Variants in PUM2 observed in about 807,000 individuals in gnomAD.
PUM2 encodes the protein pumilio RNA binding family member 2.
Under a neutral mutation model 124.5 loss-of-function variants are expected in PUM2, and 57 were observed. The observed-to-expected ratio is 0.46, with a 90% CI of 0.37 to 0.57. The LOEUF is 0.57. PUM2 is among the 20% of genes least tolerant of loss of function. PUM2 has a pLI of 0.00. For synonymous variants in PUM2, 460 were observed against 446.1 expected (o/e 1.03, Z -0.39); for missense variants, 1,065 against 1,290.6 (o/e 0.83, Z 2.68).
At chr2:20,256,626 T>C (rs1022445920) in intron 16 of PUM2, among the ~76,000 whole-genome samples, 1 of 152,206 alleles carries the variant, frequency 6.6e-6, no homozygotes, top group African/African-American at 2.4e-5. Context: ...GTTTATCAAG[T>C]ACATAGAAAA....
chr2:20,341,757 A>C (rs865950708), intron 1 of PUM2, among the ~76,000 whole-genome samples: 1 of 152,228 alleles, frequency 6.6e-6, no homozygotes, highest in Admixed American at 6.5e-5. Flanking sequence ...CTTGTCTCAC[A>C]TGGCTATCTT....
chr2:20,324,709 G>T (rs552835202), intron 2 of PUM2, among the ~76,000 whole-genome samples: 91 of 152,254 alleles, frequency 6.0e-4, no homozygotes, highest in African/African-American at 2.0e-3. Flanking sequence ...AACAGAGAGG[G>T]TAAGTTTATG....
chr2:20,331,604 G>A (rs1290060705), intron 1 of PUM2: 3 of 121,256 alleles, frequency 2.5e-5, no homozygotes, highest in Non-Finnish European at 5.2e-5. Context: ...GTTAAAACCA[G>A]TATCGAAAGC....
intron 12 of PUM2, 24 bp downstream of exon 12, chr2:20,282,923 C>A (rs370970442): frequency 5.7e-5 from 92 of 1,606,462 alleles, no homozygotes; most frequent in Middle Eastern, 1.7e-4. Flanking sequence ...TAGCAGAGTA[C>A]ACTCATCGTA....
chr2:20,299,986 AC>A (rs1676566374), intron 7 of PUM2, among the ~76,000 whole-genome samples: 1 of 152,182 alleles, frequency 6.6e-6, no homozygotes, highest in Non-Finnish European at 1.5e-5. Context: ...TGTGGAAACA[AC>A]AGTTTTATCA....
intron 7 of PUM2, among the ~76,000 whole-genome samples, chr2:20,307,305 ACAACCCC>A (rs1206249049): frequency 1.3e-5 from 2 of 152,212 alleles, no homozygotes; most frequent in Non-Finnish European, 2.9e-5. Flanking sequence ...TTAAGGAAAG[ACAACCCC>A]CTTCCATAGA....
At chr2:20,315,038 T>C (rs919804118) in intron 3 of PUM2, among the ~76,000 whole-genome samples, 6 of 145,720 alleles carry the variant, frequency 4.1e-5, no homozygotes, top group Non-Finnish European at 9.0e-5. Context: ...TTCAAATCAA[T>C]GCCACCAAAG....
chr2:20,273,224 A>C (rs1385529572), intron 13 of PUM2, among the ~76,000 whole-genome samples: 1 of 152,240 alleles, frequency 6.6e-6, no homozygotes, highest in Non-Finnish European at 1.5e-5. Context: ...GACTATGCAA[A>C]GTATAACATC....
intron 3 of PUM2, among the ~76,000 whole-genome samples, chr2:20,317,143 G>C (rs1303721838): frequency 6.6e-6 from 1 of 151,966 alleles, no homozygotes; most frequent in African/African-American, 2.4e-5. Flanking sequence ...ACTGCAGCGA[G>C]CTAAGATCAT....
Position 20,328,671 on chromosome 2 carries a change from T to A in PUM2, c.-18-1293A>T, listed in dbSNP as rs534937467. 6.6e-5 allele frequency among the ~76,000 whole-genome samples: 10 copies of A among 151,906 alleles called. No homozygotes were observed. The East Asian group carries it at 7.8e-4, about 12-fold the overall frequency. ...TAACCAATGCTAAAACTGAAAAAAA[T>A]ATTTAAAAATTACACTGGATGCACT... On this transcript the variant is annotated intron_variant, in intron 1 of 20. Coordinates refer to ENST00000361078, the MANE Select transcript of PUM2 (RefSeq NM_015317.5).
chr2:20,281,032 T>G (rs1671387530), intron 12 of PUM2, among the ~76,000 whole-genome samples: 1 of 152,134 alleles, frequency 6.6e-6, no homozygotes, highest in Non-Finnish European at 1.5e-5. Context: ...ACAACCATAT[T>G]ATGTTTTAGA....
At chr2:20,330,441 C>T (rs187461065) in intron 1 of PUM2, among the ~76,000 whole-genome samples, 1 of 152,222 alleles carries the variant, frequency 6.6e-6, no homozygotes, top group East Asian at 1.9e-4. Context: ...CCTCCTGCTT[C>T]CAGAGATGGA....
intron 8 of PUM2, among the ~76,000 whole-genome samples, chr2:20,295,401 G>A (rs1362460450): frequency 1.3e-5 from 2 of 151,894 alleles, no homozygotes; most frequent in African/African-American, 2.4e-5. Context: ...TCGGTTTCAC[G>A]TTGCATTCAA....
intron 9 of PUM2, among the ~76,000 whole-genome samples, chr2:20,292,920 T>A (rs920878516): frequency 4.0e-5 from 6 of 151,302 alleles, no homozygotes; most frequent in Non-Finnish European, 8.8e-5. Flanking sequence ...AGAGCAAAAC[T>A]CCATCTCAAA....
intron 1 of PUM2, among the ~76,000 whole-genome samples, chr2:20,335,126 T>C (rs762887704): frequency 2.0e-5 from 3 of 152,156 alleles, no homozygotes; most frequent in Non-Finnish European, 2.9e-5. Flanking sequence ...GGTCTCCCTA[T>C]GTTGCCTAGG....
At chr2:20,317,267 C>T (rs184802128) in intron 3 of PUM2, among the ~76,000 whole-genome samples, 7 of 152,192 alleles carry the variant, frequency 4.6e-5, no homozygotes, top group African/African-American at 1.4e-4. Flanking sequence ...ATGTTATACT[C>T]CTTATACACC....
At chr2:20,286,364 A>G (rs1672742891) in intron 10 of PUM2, among the ~76,000 whole-genome samples, 1 of 152,248 alleles carries the variant, frequency 6.6e-6, no homozygotes, top group Non-Finnish European at 1.5e-5. Flanking sequence ...GGTAAAAAGT[A>G]GTCAAGGATT....
chr2:20,248,701 AGG>A (rs1447161126), downstream of PUM2: 1 of 152,666 alleles, frequency 6.6e-6, no homozygotes, highest in Non-Finnish European at 1.5e-5. Context: ...TGAGGTACAG[AGG>A]GGTATTTTAT....
intron 1 of PUM2, among the ~76,000 whole-genome samples, chr2:20,329,463 GAAAA>G (rs1684438256): frequency 6.7e-6 from 1 of 150,146 alleles, no homozygotes; most frequent in Non-Finnish European, 1.5e-5. Flanking sequence ...AAAAGACAAA[GAAAA>G]AGAAAGGAAA....
Sources: gnomAD v4.1 joint callset for allele counts (sites outside exome capture counted in the v4.1 genomes callset) on GRCh38, gnomAD v4.1.1 for gene constraint, MANE v1.5 for transcripts, NCBI Gene and HGNC (gene_info 2026-07-23, HGNC 2026-07-21) for gene names.